SASH1: variants seen among roughly 807,000 people sequenced by gnomAD.
SASH1 encodes the protein SAM and SH3 domain containing 1, also known as SAM and SH3 domain-containing protein 1.
A neutral mutation model predicts 125.2 loss-of-function variants in SASH1; 44 were observed. The ratio of observed to expected loss-of-function variants is 0.35; its 90% CI spans 0.28 to 0.45. The LOEUF is 0.45. Ranked by LOEUF, SASH1 falls within the 20% of genes least tolerant of loss-of-function variation. The pLI, the probability that SASH1 is intolerant of heterozygous loss-of-function variation, is 1.00. For synonymous variants in SASH1, 639 were observed against 649.1 expected (o/e 0.98, Z 0.24); for missense variants, 1,426 against 1,614.5 (o/e 0.88, Z 2.00).
the SASH1 span, among the ~76,000 whole-genome samples, chr6:148,241,560 T>C: frequency 2.0e-5 from 3 of 152,188 alleles, no homozygotes. Flanking sequence ...CATTGTAAAG[T>C]CTCAGGGTAC....
chr6:148,360,645 C>CA (rs1045984951), intron 1 of SASH1, among the ~76,000 whole-genome samples: 4 of 78,920 alleles, frequency 5.1e-5, no homozygotes, highest in Non-Finnish European at 5.8e-5. Context: ...CACCCCCCCG[C>CA]CAGGCTTTAA....
the SASH1 span, among the ~76,000 whole-genome samples, chr6:148,225,200 C>A: frequency 6.6e-6 from 1 of 152,140 alleles, no homozygotes; most frequent in South Asian, 2.1e-4. Flanking sequence ...CTTCAGATAC[C>A]AGTTTTAACT....
chr6:148,380,893 C>T (rs1244870070), intron 1 of SASH1, among the ~76,000 whole-genome samples: 1 of 152,238 alleles, frequency 6.6e-6, no homozygotes, highest in Non-Finnish European at 1.5e-5. Context: ...CTTTGCTCTT[C>T]TGTGCAGTAG....
At chr6:148,223,269 A>AC in the SASH1 span, among the ~76,000 whole-genome samples, 2 of 151,914 alleles carry the variant, frequency 1.3e-5, no homozygotes, top group Non-Finnish European at 2.9e-5. Context: ...TATATCTGTG[A>AC]CCCCCCTCAG....
chr6:148,473,611 C>A (rs1778213730), intron 6 of SASH1, among the ~76,000 whole-genome samples: 1 of 152,180 alleles, frequency 6.6e-6, no homozygotes, highest in Admixed American at 6.5e-5. Flanking sequence ...GAAGGTTTTG[C>A]CAGGTCTGAA....
intron 17 of SASH1, among the ~76,000 whole-genome samples, chr6:148,541,532 A>G (rs1303428499): frequency 6.6e-6 from 1 of 151,990 alleles, no homozygotes; most frequent in African/African-American, 2.4e-5. Context: ...GCTTGTGTAC[A>G]TGCATGTGTG....
the SASH1 span, among the ~76,000 whole-genome samples, chr6:148,239,703 G>C: frequency 5.5e-5 from 3 of 54,426 alleles, no homozygotes; most frequent in Admixed American, 5.3e-4. Context: ...ATATAGATCG[G>C]CTTTTTTTTT....
the SASH1 span, among the ~76,000 whole-genome samples, chr6:148,236,804 C>T: frequency 6.6e-6 from 1 of 152,198 alleles, no homozygotes; most frequent in African/African-American, 2.4e-5. Context: ...CCCCAAAAAG[C>T]ATGTGCTGGA....
chr6:148,234,457 C>A, the SASH1 span, among the ~76,000 whole-genome samples: 1 of 152,000 alleles, frequency 6.6e-6, no homozygotes, highest in African/African-American at 2.4e-5. Flanking sequence ...TAGGGCTTGG[C>A]AGGATCCCTT....
intron 1 of SASH1, among the ~76,000 whole-genome samples, chr6:148,311,632 C>T (rs1220271043): frequency 6.6e-6 from 1 of 151,832 alleles, no homozygotes; most frequent in East Asian, 2.0e-4. Flanking sequence ...GGTGAAACCC[C>T]ATCTCTACTG....
intron 1 of SASH1, among the ~76,000 whole-genome samples, chr6:148,313,224 T>C (rs965745113): frequency 6.6e-6 from 1 of 152,172 alleles, no homozygotes; most frequent in East Asian, 1.9e-4. Context: ...TGTCCAGATC[T>C]TTGGAAAAGA....
chr6:148,458,839 C>T lies in SASH1; in HGVS notation c.387-9706C>T, dbSNP rs370877596. Among the ~76,000 whole-genome samples the T allele has an allele frequency of 8.4e-4, 127 of 151,978 alleles. 2 individuals are homozygous for T. In the South Asian group the frequency reaches 0.024, roughly 29 times the overall value. On this transcript the variant is annotated intron_variant, in intron 4 of 19. Coordinates refer to ENST00000367467, the MANE Select transcript of SASH1 (RefSeq NM_015278.5). ...AAGATTAGTCGGGCATGATGGCATG[C>T]GACTCGAGTCCCAGCTACGTGGAAG...
the SASH1 span, among the ~76,000 whole-genome samples, chr6:148,257,694 G>A: frequency 7.4e-5 from 11 of 147,936 alleles, no homozygotes; most frequent in East Asian, 1.6e-3. Flanking sequence ...GCAGTGGTGC[G>A]ACCTCAGCTC....
chr6:148,508,585 G>A (rs1779937293), intron 8 of SASH1: 1 of 1,132,958 alleles, frequency 8.8e-7, no homozygotes, highest in East Asian at 6.6e-5. Flanking sequence ...GATGACTTAT[G>A]CCTTTCTTGC....
chr6:148,256,004 A>AT, the SASH1 span, among the ~76,000 whole-genome samples: 1 of 152,078 alleles, frequency 6.6e-6, no homozygotes, highest in Non-Finnish European at 1.5e-5. Flanking sequence ...CAGAATGGAC[A>AT]TTTTTGCTTC....
At chr6:148,221,403 C>A in the SASH1 span, among the ~76,000 whole-genome samples, 1 of 152,200 alleles carries the variant, frequency 6.6e-6, no homozygotes, top group Non-Finnish European at 1.5e-5. Context: ...GCACAAATAT[C>A]TTTTGCATAG....
At chr6:148,322,497 A>G (rs941389988) in intron 1 of SASH1, among the ~76,000 whole-genome samples, 1 of 151,918 alleles carries the variant, frequency 6.6e-6, no homozygotes. Flanking sequence ...TTGTTTACCT[A>G]TTTTTCTCCC....
At chr6:148,500,302 C>T (rs1167611584) in intron 8 of SASH1, among the ~76,000 whole-genome samples, 3 of 151,664 alleles carry the variant, frequency 2.0e-5, no homozygotes, top group African/African-American at 4.8e-5. Context: ...TACAACCTGG[C>T]CATGATATAT....
chr6:148,421,186 A>G lies in SASH1; in HGVS notation c.286-18998A>G, dbSNP rs879311673. On this transcript the variant is annotated intron_variant, in intron 2 of 19. Transcript: ENST00000367467. ...GAAAGAAAGAAAGAAAGAAAGAAAGAAAGAAAGAAAGAAAGAAAGAAAGAA... is the reference window on the plus strand; with the variant it reads ...GAAAGAAAGAAAGAAAGAAAGAAAGGAAGAAAGAAAGAAAGAAAGAAAGAA... 3.4e-3 allele frequency among the ~76,000 whole-genome samples: 497 copies of G among 146,890 alleles called. 2 individuals carry two copies. The highest frequency in any genetic ancestry group is 8.7e-3 in the African/African-American group (349 of 40,244).
Sources: gnomAD v4.1 joint callset for allele counts (sites outside exome capture counted in the v4.1 genomes callset) on GRCh38, gnomAD v4.1.1 for gene constraint, MANE v1.5 for transcripts, NCBI Gene and HGNC (gene_info 2026-07-23, HGNC 2026-07-21) for gene names.